GPC5: variants seen among roughly 807,000 people sequenced by gnomAD.
GPC5 encodes the protein glypican 5, also known as glypican-5.
In GPC5, 47 loss-of-function variants were observed where a neutral mutation model predicts 53.9. The ratio of observed to expected loss-of-function variants is 0.87; its 90% CI spans 0.69 to 1.11. The LOEUF is 1.11. Ranked by LOEUF, GPC5 falls within the 50% of genes most tolerant of loss-of-function variation. The pLI is 0.00. For missense variants in GPC5, 748 were observed against 713.1 expected, an observed-to-expected ratio of 1.05 and a Z score of -0.56; for synonymous variants, 286 against 263.3, an observed-to-expected ratio of 1.09 and a Z score of -0.84.
At chr13:91,870,889 G>T (rs2039136805) in intron 5 of GPC5, among the ~76,000 whole-genome samples, 1 of 152,212 alleles carries the variant, frequency 6.6e-6, no homozygotes, top group Admixed American at 6.5e-5. Flanking sequence ...TATCTGAAAT[G>T]CTTGGTACCA....
At chr13:91,810,811 T>A (rs1398669993) in intron 5 of GPC5, among the ~76,000 whole-genome samples, 1 of 151,768 alleles carries the variant, frequency 6.6e-6, no homozygotes, top group Non-Finnish European at 1.5e-5. Flanking sequence ...TAAGGAAAAA[T>A]AGTTAATACT....
At chr13:92,762,373 T>TACATGGTTTGTGTTA (rs1480807529) in intron 7 of GPC5, among the ~76,000 whole-genome samples, 3 of 152,090 alleles carry the variant, frequency 2.0e-5, no homozygotes, top group Non-Finnish European at 4.4e-5. Context: ...TATGTAAGCC[T>TACATGGTTTGTGTTA]CATGGTAACA....
intron 5 of GPC5, among the ~76,000 whole-genome samples, chr13:91,760,465 G>A (rs1021393008): frequency 5.9e-5 from 9 of 152,166 alleles, no homozygotes; most frequent in Non-Finnish European, 1.2e-4. Flanking sequence ...ACAAGTGAAT[G>A]TATACTACAT....
intron 5 of GPC5, among the ~76,000 whole-genome samples, chr13:91,812,558 G>A (rs1259702290): frequency 1.3e-5 from 2 of 152,164 alleles, no homozygotes; most frequent in East Asian, 1.9e-4. Flanking sequence ...TTTAAATCTT[G>A]TAGTGGAATC....
intron 7 of GPC5, chr13:92,484,478 A>G (rs963269003): frequency 2.0e-5 from 3 of 152,326 alleles, no homozygotes; most frequent in Non-Finnish European, 4.4e-5. Context: ...GGTTATGCAT[A>G]CTATATGACT....
At chr13:92,754,975 C>T (rs959510219) in intron 7 of GPC5, among the ~76,000 whole-genome samples, 260 of 152,116 alleles carry the variant, frequency 1.7e-3, no homozygotes, top group African/African-American at 5.3e-3. Context: ...CTGCACCAAG[C>T]GGACCTAACA....
At chr13:92,441,967 C>T (rs913478189) in intron 7 of GPC5, among the ~76,000 whole-genome samples, 4 of 152,154 alleles carry the variant, frequency 2.6e-5, no homozygotes, top group African/African-American at 9.7e-5. Flanking sequence ...GGACCATATA[C>T]TTGGCTATGA....
At chr13:92,112,724 G>A (rs1020976701) in intron 6 of GPC5, among the ~76,000 whole-genome samples, 1 of 152,114 alleles carries the variant, frequency 6.6e-6, no homozygotes, top group Non-Finnish European at 1.5e-5. Context: ...TTGTGTCCAT[G>A]TGCATGTATG....
At chr13:92,785,686 A>G (rs553796077) in intron 7 of GPC5, among the ~76,000 whole-genome samples, 1 of 152,338 alleles carries the variant, frequency 6.6e-6, no homozygotes, top group Non-Finnish European at 1.5e-5. Context: ...AAAAGGTGCT[A>G]TGTATCCAGG....
At chr13:91,478,030 A>G (rs1282590996) in intron 2 of GPC5, among the ~76,000 whole-genome samples, 1 of 151,942 alleles carries the variant, frequency 6.6e-6, no homozygotes, top group Non-Finnish European at 1.5e-5. Flanking sequence ...CTATTCTTGG[A>G]GGAAAAAAAA....
chr13:91,792,179 C>G (rs1307929126), intron 5 of GPC5, among the ~76,000 whole-genome samples: 3 of 152,222 alleles, frequency 2.0e-5, no homozygotes, highest in Admixed American at 2.0e-4. Context: ...CAGAGGTGTC[C>G]CTGTGAAACT....
chr13:91,444,150 T>C (rs967579384), intron 1 of GPC5, among the ~76,000 whole-genome samples: 2 of 152,160 alleles, frequency 1.3e-5, no homozygotes, highest in African/African-American at 4.8e-5. Flanking sequence ...TCTTAAGGCA[T>C]TACGTTTGTG....
intron 7 of GPC5, among the ~76,000 whole-genome samples, chr13:92,548,175 G>T (rs1882193035): frequency 6.6e-6 from 1 of 151,772 alleles, no homozygotes; most frequent in Non-Finnish European, 1.5e-5. Flanking sequence ...TACAAAAGTT[G>T]AGATCCACCT....
At chr13:92,804,513 T>G (rs1246081841) in intron 7 of GPC5, among the ~76,000 whole-genome samples, 1 of 152,044 alleles carries the variant, frequency 6.6e-6, no homozygotes, top group Non-Finnish European at 1.5e-5. Context: ...TACACTTTAA[T>G]TGGAAAAATT....
Position 92,205,538 on chromosome 13 carries a change from G to C in GPC5, c.1561+60549G>C, listed in dbSNP as rs186877254. ...ATTAGAGGTTACTTTCTAGAAAGCGGGAACAAAATTCAGACCTCTCTTTGG... is the reference window on the plus strand; with the variant it reads ...ATTAGAGGTTACTTTCTAGAAAGCGCGAACAAAATTCAGACCTCTCTTTGG... On this transcript the variant is annotated intron_variant, in intron 7 of 7. Coordinates refer to ENST00000377067, the MANE Select transcript of GPC5 (RefSeq NM_004466.6). 1.4e-3 allele frequency among the ~76,000 whole-genome samples: 213 copies of C among 152,192 alleles called. 1 individual carries two copies. Among genetic ancestry groups the C allele is most frequent in the Non-Finnish European group, 5.1e-4 (35 of 68,006 alleles).
At chr13:92,746,680 C>A (rs1237188479) in intron 7 of GPC5, among the ~76,000 whole-genome samples, 2 of 152,020 alleles carry the variant, frequency 1.3e-5, no homozygotes, top group Non-Finnish European at 2.9e-5. Flanking sequence ...TCATAGATTT[C>A]GTAGATTTTT....
At chr13:91,542,759 C>A (rs1039857859) in intron 2 of GPC5, among the ~76,000 whole-genome samples, 9 of 152,138 alleles carry the variant, frequency 5.9e-5, no homozygotes, top group Middle Eastern at 3.4e-3. Context: ...TCTCAGCTCA[C>A]TGCAACCTCT....
At chr13:91,741,537 A>C (rs2036933721) in intron 4 of GPC5, among the ~76,000 whole-genome samples, 1 of 152,232 alleles carries the variant, frequency 6.6e-6, no homozygotes, top group Non-Finnish European at 1.5e-5. Context: ...TATTCAGTGA[A>C]GAACACTTAA....
chr13:92,001,624 AG>A (rs1256836302), intron 6 of GPC5, among the ~76,000 whole-genome samples: 1 of 152,218 alleles, frequency 6.6e-6, no homozygotes, highest in Non-Finnish European at 1.5e-5. Context: ...AGTAATTGAA[AG>A]CAAAAGCATT....
Sources: allele counts gnomAD v4.1 joint callset (sites outside exome capture counted in the v4.1 genomes callset), GRCh38; gene constraint gnomAD v4.1.1; transcripts MANE v1.5; gene names NCBI Gene and HGNC (gene_info 2026-07-23, HGNC 2026-07-21).